The following RIMBP2 variants were observed in gnomAD, a reference collection of about 807,000 sequenced individuals.
RIMBP2 encodes RIMS binding protein 2.
In RIMBP2, 48 loss-of-function variants were observed where a neutral mutation model predicts 118.6. The ratio of observed to expected loss-of-function variants is 0.40; its 90% CI spans 0.32 to 0.51. RIMBP2 has a LOEUF of 0.51. Among genes scored for constraint, RIMBP2 ranks in the 20% least tolerant of loss-of-function variants. The pLI is 0.41. For missense variants in RIMBP2, 1,551 were observed against 1,768.3 expected (o/e 0.88, Z 2.20); for synonymous variants, 762 against 742.9 (o/e 1.03, Z -0.42).
At chr12:130,585,302 G>A (rs2058812461) in intron 2 of RIMBP2, among the ~76,000 whole-genome samples, 1 of 152,200 alleles carries the variant, frequency 6.6e-6, no homozygotes, top group South Asian at 2.1e-4. Context: ...ATGAGGCGGG[G>A]CGATGGGGAG....
rs531030977 is a variant in RIMBP2, at chr12:130,681,917, G to A, written c.-352+34305C>T. The stretch of plus-strand genomic sequence containing the variant: ...TCACCATGCTGGCCAGACTAGTCTC[G>A]AACTCCTGACCTCAAGTGATCCACC... On this transcript the variant is annotated intron_variant, in intron 1 of 22. Transcript: ENST00000690449. Among the ~76,000 whole-genome samples the A allele has an allele frequency of 1.3e-4, 20 of 152,068 alleles. No homozygotes were observed. The South Asian group carries it at 3.5e-3, about 27-fold the overall frequency.
At chr12:130,629,589 TA>T (rs2061855732) in intron 1 of RIMBP2, among the ~76,000 whole-genome samples, 1 of 152,146 alleles carries the variant, frequency 6.6e-6, no homozygotes, top group Non-Finnish European at 1.5e-5. Flanking sequence ...CAAGTGCTAT[TA>T]TATTGAAAAC....
At chr12:130,401,909 G>A (rs921106483) in intron 21 of RIMBP2, among the ~76,000 whole-genome samples, 3 of 152,062 alleles carry the variant, frequency 2.0e-5, no homozygotes, top group Non-Finnish European at 2.9e-5. Flanking sequence ...ACACATCTCC[G>A]CTGGTGTCAT....
chr12:130,513,306 A>G (rs892724385), intron 3 of RIMBP2, among the ~76,000 whole-genome samples: 1 of 152,166 alleles, frequency 6.6e-6, no homozygotes, highest in Non-Finnish European at 1.5e-5. Flanking sequence ...ACTGGACTGG[A>G]TTTTATTCTC....
intron 2 of RIMBP2, among the ~76,000 whole-genome samples, chr12:130,607,531 C>T (rs2140518901): frequency 6.6e-6 from 1 of 152,126 alleles, no homozygotes; most frequent in African/African-American, 2.4e-5. Flanking sequence ...TCGGTGGGAA[C>T]ATGCTGCTTA....
chr12:130,714,433 G>A (rs775751714), intron 1 of RIMBP2, among the ~76,000 whole-genome samples: 4 of 152,226 alleles, frequency 2.6e-5, no homozygotes, highest in Admixed American at 6.5e-5. Flanking sequence ...GGGGGAGGCC[G>A]GCTGCTATGC....
At position 130,397,501 on chromosome 12, in the gene RIMBP2, C is replaced by G. The variant is rs2074151550; in HGVS notation, c.3949G>C (p.Val1317Leu). The G allele has an allele frequency of 5.0e-6, 2 of 398,908 alleles. No individual in the cohort carries two copies. Among genetic ancestry groups the G allele is most frequent in the African/African-American group, 4.1e-5 (2 of 48,596 alleles). 24.7% of individuals were successfully genotyped at this position (398,908 alleles called of 1,614,324 possible). A position where few individuals can be genotyped will look rare whatever the true frequency, so the allele number is the denominator to read the frequency against. Reference protein sequence around the residue: ...GTARRAPSPTVHLHSGSPTSS... With the variant: ...GTARRAPSPTLHLHSGSPTSS... ...GTAGGTGACCCCGAATGGAGATGGA[C>G]TGTGGGGGATGGAGCTCTCCTTGCT... Residue 1317 changes from valine to leucine, a missense_variant, in exon 23 of 23, where the codon GTC (valine) becomes CTC (leucine). Val to Leu is a conservative substitution (Grantham distance 32). Coordinates refer to ENST00000690449, the MANE Select transcript of RIMBP2 (RefSeq NM_001393629.1).
At chr12:130,625,353 C>T (rs899079794) in intron 2 of RIMBP2, among the ~76,000 whole-genome samples, 1 of 152,086 alleles carries the variant, frequency 6.6e-6, no homozygotes, top group Non-Finnish European at 1.5e-5. Context: ...AACGACAGAG[C>T]CGTTGAGAAT....
chr12:130,551,902 C>T (rs1390291385), intron 2 of RIMBP2, among the ~76,000 whole-genome samples: 2 of 152,222 alleles, frequency 1.3e-5, no homozygotes, highest in African/African-American at 2.4e-5. Flanking sequence ...TGCAGTTTCA[C>T]ATTATGTTAG....
chr12:130,692,077 G>A (rs184195967), intron 1 of RIMBP2, among the ~76,000 whole-genome samples: 1 of 152,340 alleles, frequency 6.6e-6, no homozygotes, highest in African/African-American at 2.4e-5. Flanking sequence ...GAATTGGAGA[G>A]GGCGTCTGCA....
chr12:130,696,221 G>T (rs1806175940), intron 1 of RIMBP2, among the ~76,000 whole-genome samples: 2 of 152,198 alleles, frequency 1.3e-5, no homozygotes, highest in African/African-American at 4.8e-5. Context: ...AAACCTTACT[G>T]GGAGTGCAGA....
chr12:130,650,536 C>T (rs1430677987), intron 1 of RIMBP2, among the ~76,000 whole-genome samples: 1 of 152,262 alleles, frequency 6.6e-6, no homozygotes, highest in Admixed American at 6.5e-5. Flanking sequence ...CACCTGGGGG[C>T]TCCGTGTCCC....
intron 1 of RIMBP2, among the ~76,000 whole-genome samples, chr12:130,677,802 C>A (rs1450742492): frequency 2.0e-5 from 3 of 152,204 alleles, no homozygotes; most frequent in Admixed American, 6.5e-5. Flanking sequence ...CACTGTCCCC[C>A]CAAAATCATT....
At chr12:130,554,845 G>A (rs1042916859) in intron 2 of RIMBP2, among the ~76,000 whole-genome samples, 1 of 151,952 alleles carries the variant, frequency 6.6e-6, no homozygotes, top group African/African-American at 2.4e-5. Context: ...ACATTAATTT[G>A]TTCAAAGTTC....
At chr12:130,528,968 T>C (rs1593662943) in intron 2 of RIMBP2, among the ~76,000 whole-genome samples, 1 of 152,322 alleles carries the variant, frequency 6.6e-6, no homozygotes. Flanking sequence ...GCCCAGAGCA[T>C]TGGAAACAGG....
intron 1 of RIMBP2, among the ~76,000 whole-genome samples, chr12:130,687,174 C>A (rs1426924139): frequency 6.6e-6 from 1 of 152,156 alleles, no homozygotes; most frequent in Non-Finnish European, 1.5e-5. Context: ...GAGACCCATC[C>A]GCCAAAGCCA....
rs546590354 is a variant in RIMBP2 at position 130,676,622 on chromosome 12, CA to C, written c.-352+39599del. On this transcript the variant is annotated intron_variant, in intron 1 of 22. Coordinates refer to ENST00000690449, the MANE Select transcript of RIMBP2 (RefSeq NM_001393629.1). ...TGGGTGACAGAGCGAGAGTCTGTCT[CA>C]AAAAAAAAAAGAAAAAAGAAAAGAA... Among the ~76,000 whole-genome samples, 1,023 of 134,220 alleles carry C rather than the reference CA, an allele frequency of 7.6e-3. 8 individuals are homozygous for C. The highest frequency in any genetic ancestry group is 0.037 in the Middle Eastern group (10 of 270). The allele number at this position is 134,220 out of a possible 152,430, so 88.1% of individuals were successfully genotyped here. A position where few individuals can be genotyped will look rare whatever the true frequency, so the allele number is the denominator to read the frequency against.
At chr12:130,645,797 AG>A (rs1323207350) in intron 1 of RIMBP2, among the ~76,000 whole-genome samples, 3 of 152,178 alleles carry the variant, frequency 2.0e-5, no homozygotes, top group African/African-American at 7.2e-5. Flanking sequence ...TTTATATTTA[AG>A]CCACTTGGAG....
chr12:130,486,394 T>A (rs937770430), intron 4 of RIMBP2, among the ~76,000 whole-genome samples: 2 of 152,122 alleles, frequency 1.3e-5, no homozygotes, highest in Non-Finnish European at 2.9e-5. Flanking sequence ...ATACCATTCC[T>A]TAGGTGATCT....
Sources: gnomAD v4.1 joint callset for allele counts (sites outside exome capture counted in the v4.1 genomes callset) on GRCh38, gnomAD v4.1.1 for gene constraint, MANE v1.5 for transcripts, NCBI Gene and HGNC (gene_info 2026-07-23, HGNC 2026-07-21) for gene names.